AGFG1: variants seen among roughly 807,000 people sequenced by gnomAD.
AGFG1 encodes the protein arf-GAP domain and FG repeat-containing protein 1.
A neutral mutation model predicts 60.6 loss-of-function variants in AGFG1; 10 were observed. That is an observed-to-expected ratio of 0.16 (90% CI 0.10 to 0.28). The LOEUF (loss-of-function observed/expected upper bound fraction) is 0.28. Ranked by LOEUF, AGFG1 falls within the 10% of genes least tolerant of loss-of-function variation. The pLI is 1.00. For missense variants in AGFG1, 537 were observed against 676.5 expected, an observed-to-expected ratio of 0.79 and a Z score of 2.29; for synonymous variants, 247 against 242.9, an observed-to-expected ratio of 1.02 and a Z score of -0.16.
rs1692958387 is a variant in AGFG1 at position 227,555,890 on chromosome 2, G to C, written c.*1395G>C. 2 of 152,044 alleles carry C rather than the reference G, an allele frequency of 1.3e-5. No homozygotes were observed. Among genetic ancestry groups the C allele is most frequent in the Admixed American group, 6.5e-5 (1 of 15,280 alleles). 9.4% of individuals were successfully genotyped at this position (152,044 alleles called of 1,614,324 possible). A position where few individuals can be genotyped will look rare whatever the true frequency, so the allele number is the denominator to read the frequency against. On this transcript the variant is annotated 3_prime_UTR_variant, in exon 13 of 13. Coordinates refer to ENST00000310078, the MANE Select transcript of AGFG1 (RefSeq NM_004504.5). ...AGAGCTTATGCATTTGTTTTTATGA[G>C]AGATTTTAATAAATTTAATTATTTG...
chr2:227,495,964 A>T (rs974558911), intron 2 of AGFG1, among the ~76,000 whole-genome samples: 2 of 151,496 alleles, frequency 1.3e-5, no homozygotes, highest in Non-Finnish European at 2.9e-5. Flanking sequence ...TATTAAAAAA[A>T]AAAATTAGCC....
intron 1 of AGFG1, among the ~76,000 whole-genome samples, chr2:227,480,910 A>G (rs559834866): frequency 4.8e-4 from 73 of 152,318 alleles, no homozygotes; most frequent in African/African-American, 1.7e-3. Flanking sequence ...AACTTTCAAT[A>G]TATTGCTTAG....
At position 227,553,718 on chromosome 2, in the gene AGFG1, G is replaced by A. The variant is rs1692890704; in HGVS notation, c.1552G>A (p.Ala518Thr). The change falls in exon 12 of 13, where the codon GCA becomes ACA. Residue 518 changes from alanine (A) to threonine (T), a missense_variant. Ala to Thr is a moderately conservative substitution (Grantham distance 58). Transcript: ENST00000310078. ...SQQPNGAGFA[A>T]FGQTKPVVTP... is the part of the protein sequence containing the mutation. Reference sequence around the variant, plus strand: ...ATTTTAACAAGGTGCAGGTTTTGCAGCATTTGGACAAACAAAGCCAGTAGT... The same window carrying A: ...ATTTTAACAAGGTGCAGGTTTTGCAACATTTGGACAAACAAAGCCAGTAGT... 2 of 1,613,738 alleles carry A rather than the reference G, an allele frequency of 1.2e-6. No individual in the cohort carries two copies. The highest frequency in any genetic ancestry group is 8.5e-7 in the Non-Finnish European group (1 of 1,179,762).
At chr2:227,549,927 A>G (rs769210969) in intron 10 of AGFG1, 2 of 269,260 alleles carry the variant, frequency 7.4e-6, no homozygotes, top group Non-Finnish European at 1.6e-5. Flanking sequence ...TGTTTTTGTT[A>G]TGTATTATGC....
At chr2:227,545,160 T>C (rs1692608302) in intron 10 of AGFG1, among the ~76,000 whole-genome samples, 4 of 152,212 alleles carry the variant, frequency 2.6e-5, no homozygotes, top group Admixed American at 2.6e-4. Flanking sequence ...TTTGTTTCTT[T>C]TTACTCTTTT....
In AGFG1 at chr2:227,560,986, A is replaced by C. The variant is rs912167845; in HGVS notation, c.*6491A>C. ...GAAGTTCAAAAGAAAGAATAACAGG[A>C]CCTTCTAGTCAGCAGGGCATGTTTG... On this transcript the variant is annotated 3_prime_UTR_variant, in exon 13 of 13. Transcript: ENST00000310078. 1 of 152,196 alleles carries C rather than the reference A, an allele frequency of 6.6e-6. No homozygotes were observed. Among genetic ancestry groups the C allele is most frequent in the Non-Finnish European group, 1.5e-5 (1 of 68,012 alleles). The allele number at this position is 152,196 out of a possible 1,614,324, so 9.4% of individuals were successfully genotyped here.
intron 2 of AGFG1, among the ~76,000 whole-genome samples, chr2:227,504,302 C>A (rs1223345959): frequency 1.3e-5 from 2 of 151,790 alleles, no homozygotes; most frequent in African/African-American, 4.8e-5. Context: ...AGGTGACTCT[C>A]CCACCTCAGC....
At chr2:227,539,892 G>A (rs1692433318) in intron 10 of AGFG1, among the ~76,000 whole-genome samples, 2 of 152,094 alleles carry the variant, frequency 1.3e-5, no homozygotes, top group African/African-American at 4.8e-5. Flanking sequence ...CTGGAGTGCA[G>A]TGGCTTAATC....
rs192413589 is a variant in AGFG1, at chr2:227,533,711, A to G, written c.977A>G (p.Lys326Arg). 1 of 1,613,826 alleles carries G rather than the reference A, an allele frequency of 6.2e-7. No homozygotes were observed. The highest frequency in any genetic ancestry group is 2.2e-5 in the East Asian group (1 of 44,868). The part of the protein sequence containing the change: ...TNKAGLQTAD[K>R]YAALANLDNI... ...AAAGCTGGTTTACAGACTGCAGACA[A>G]ATATGCAGCACTTGCTAATTTAGAC... is the stretch of plus-strand genomic sequence containing the variant. The change falls in exon 7 of 13, where the codon AAA becomes AGA. Residue 326 changes from lysine (K) to arginine (R), a missense_variant. Lys to Arg is a conservative substitution (Grantham distance 26). This residue lies in a region of AGFG1 where 287 missense variants were observed against 343.6 expected (regional missense o/e 0.84). Coordinates refer to ENST00000310078, the MANE Select transcript of AGFG1 (RefSeq NM_004504.5).
chr2:227,545,439 G>C (rs186018180), intron 10 of AGFG1, among the ~76,000 whole-genome samples: 8 of 152,260 alleles, frequency 5.3e-5, no homozygotes, highest in South Asian at 2.1e-4. Context: ...TGTTATTACC[G>C]ATCTTCTCAA....
At chr2:227,503,386 G>A (rs542782271) in intron 2 of AGFG1, among the ~76,000 whole-genome samples, 1 of 152,260 alleles carries the variant, frequency 6.6e-6, no homozygotes, top group East Asian at 1.9e-4. Flanking sequence ...AAGTCAGGTA[G>A]TACAAATCCT....
At chr2:227,493,546 T>G (rs1690882486) in intron 2 of AGFG1, among the ~76,000 whole-genome samples, 1 of 152,192 alleles carries the variant, frequency 6.6e-6, no homozygotes. Context: ...TAAAAAGAAT[T>G]AGTTAATTTT....
chr2:227,484,658 C>A (rs1690565358), intron 1 of AGFG1, among the ~76,000 whole-genome samples: 1 of 133,860 alleles, frequency 7.5e-6, no homozygotes, highest in Admixed American at 7.5e-5. Flanking sequence ...GTATAAGCTT[C>A]TTTAATGAAG....
intron 1 of AGFG1, among the ~76,000 whole-genome samples, chr2:227,475,827 G>C (rs1311368008): frequency 6.6e-6 from 1 of 152,122 alleles, no homozygotes; most frequent in Non-Finnish European, 1.5e-5. Flanking sequence ...AGCACATACC[G>C]TATTTGAGGA....
In AGFG1 at chr2:227,483,957, T is replaced by G. The variant is rs541219728; in HGVS notation, c.168-7590T>G. Among the ~76,000 whole-genome samples, 7 of 152,306 alleles carry G rather than the reference T, an allele frequency of 4.6e-5. No individual in the cohort carries two copies. In the South Asian group the frequency reaches 1.4e-3, roughly 32 times the overall value. ...TATACTTTAAGTTTTGGGGTACATG[T>G]GCACAACGTGCAGGTTTGTTACATA... On this transcript the variant is annotated intron_variant, in intron 1 of 12. Coordinates refer to ENST00000310078, the MANE Select transcript of AGFG1 (RefSeq NM_004504.5).
intron 2 of AGFG1, among the ~76,000 whole-genome samples, chr2:227,506,121 A>G (rs1477418617): frequency 6.6e-6 from 1 of 152,186 alleles, no homozygotes; most frequent in East Asian, 1.9e-4. Flanking sequence ...TCATTGCAGA[A>G]TCTGTCGCTG....
chr2:227,546,978 A>G (rs374220369), intron 10 of AGFG1, among the ~76,000 whole-genome samples: 7 of 152,176 alleles, frequency 4.6e-5, no homozygotes, highest in African/African-American at 1.4e-4. Flanking sequence ...GTGGAAACCA[A>G]TTTGCTAAGA....
intron 2 of AGFG1, among the ~76,000 whole-genome samples, chr2:227,517,513 G>A (rs922506034): frequency 4.6e-5 from 7 of 152,120 alleles, no homozygotes; most frequent in East Asian, 3.9e-4. Context: ...CTCATGATCC[G>A]CCTGCCTTGG....
At chr2:227,532,146 A>C in intron 6 of AGFG1, 1 of 1,545,866 alleles carries the variant, frequency 6.5e-7, no homozygotes, top group Non-Finnish European at 8.7e-7. Context: ...AGCATTTAGA[A>C]TGCTTTCATC....
Sources: allele counts gnomAD v4.1 joint callset (sites outside exome capture counted in the v4.1 genomes callset), GRCh38; gene constraint gnomAD v4.1.1; regional missense constraint gnomAD v4.1.1; transcripts MANE v1.5; gene names NCBI Gene and HGNC (gene_info 2026-07-23, HGNC 2026-07-21).